ROBO1: variants seen among roughly 807,000 people sequenced by gnomAD.
ROBO1 encodes roundabout guidance receptor 1, also known as roundabout homolog 1.
In ROBO1, 149 loss-of-function variants were observed where a neutral mutation model predicts 195.9. That is an observed-to-expected ratio of 0.76 (90% CI 0.67 to 0.87). The LOEUF (loss-of-function observed/expected upper bound fraction) is 0.87, where lower values mean the gene tolerates loss of function less well. Ranked by LOEUF, ROBO1 falls within the 40% of genes least tolerant of loss-of-function variation. The pLI, the probability that ROBO1 is intolerant of heterozygous loss-of-function variation, is 0.00. For missense variants in ROBO1, 1,933 were observed against 2,068.3 expected, an observed-to-expected ratio of 0.93 and a Z score of 1.27; for synonymous variants, 816 against 733.2, an observed-to-expected ratio of 1.11 and a Z score of -1.82.
chr3:78,948,739 T>TG (rs932640714), intron 3 of ROBO1, among the ~76,000 whole-genome samples: 42 of 152,194 alleles, frequency 2.8e-4, no homozygotes, highest in African/African-American at 9.9e-4. Context: ...TCTTTGCAGA[T>TG]GACATGATTG....
At chr3:78,940,363 T>C (rs1334277644) in intron 3 of ROBO1, among the ~76,000 whole-genome samples, 1 of 152,210 alleles carries the variant, frequency 6.6e-6, no homozygotes, top group Non-Finnish European at 1.5e-5. Flanking sequence ...AATGCAAATA[T>C]AATGTGGGTT....
intron 3 of ROBO1, among the ~76,000 whole-genome samples, chr3:78,981,690 T>C (rs2076993729): frequency 6.6e-6 from 1 of 151,848 alleles, no homozygotes; most frequent in African/African-American, 2.4e-5. Flanking sequence ...CTGAGCACTT[T>C]TGGATTAAAA....
chr3:78,826,646 A>G (rs1455970175), intron 4 of ROBO1, among the ~76,000 whole-genome samples: 4 of 152,224 alleles, frequency 2.6e-5, no homozygotes, highest in Non-Finnish European at 4.4e-5. Context: ...AAAATGTTCC[A>G]TTGAATTGTT....
chr3:79,172,613 A>T (rs565320943), intron 2 of ROBO1, among the ~76,000 whole-genome samples: 1 of 152,226 alleles, frequency 6.6e-6, no homozygotes, highest in South Asian at 2.1e-4. Context: ...AGTACAAACT[A>T]CATTTTTTTT....
chr3:79,248,405 A>C (rs1222338107), intron 2 of ROBO1, among the ~76,000 whole-genome samples: 2 of 146,854 alleles, frequency 1.4e-5, no homozygotes, highest in Non-Finnish European at 3.0e-5. Context: ...AAAGAGAGAG[A>C]GAGAATAAAA....
chr3:79,579,275 G>A (rs1222660576), intron 2 of ROBO1, among the ~76,000 whole-genome samples: 1 of 152,086 alleles, frequency 6.6e-6, no homozygotes, highest in Non-Finnish European at 1.5e-5. Flanking sequence ...AAATGTTATT[G>A]TTATTTGAAG....
chr3:79,627,118 T>C (rs1945203674), intron 1 of ROBO1, among the ~76,000 whole-genome samples: 1 of 152,200 alleles, frequency 6.6e-6, no homozygotes, highest in African/African-American at 2.4e-5. Context: ...GAAACTACCA[T>C]TGAAATTCTA....
intron 2 of ROBO1, among the ~76,000 whole-genome samples, chr3:79,271,151 AC>A (rs1223713849): frequency 6.6e-6 from 1 of 152,008 alleles, no homozygotes; most frequent in Non-Finnish European, 1.5e-5. Context: ...AAATTACTCA[AC>A]TATTGTGTGT....
chr3:79,474,606 C>T (rs1938452114), intron 2 of ROBO1, among the ~76,000 whole-genome samples: 1 of 152,010 alleles, frequency 6.6e-6, no homozygotes, highest in African/African-American at 2.4e-5. Context: ...GAGGGCCACA[C>T]ATAAATTTTA....
intron 4 of ROBO1, among the ~76,000 whole-genome samples, chr3:78,753,688 T>C (rs1278706226): frequency 6.6e-6 from 1 of 152,160 alleles, no homozygotes; most frequent in Non-Finnish European, 1.5e-5. Context: ...CCCCTTGCCC[T>C]TCTCTGCCCC....
At chr3:79,544,745 T>C (rs1348431678) in intron 2 of ROBO1, among the ~76,000 whole-genome samples, 6 of 152,068 alleles carry the variant, frequency 3.9e-5, no homozygotes, top group Non-Finnish European at 7.4e-5. Context: ...ATATTGCAAA[T>C]TGCATTTTCT....
intron 5 of ROBO1, among the ~76,000 whole-genome samples, chr3:78,742,099 C>T (rs1051857493): frequency 5.3e-5 from 8 of 152,060 alleles, no homozygotes; most frequent in Non-Finnish European, 1.2e-4. Flanking sequence ...TAGGGTGTGT[C>T]TTTGTTCTCA....
intron 4 of ROBO1, among the ~76,000 whole-genome samples, chr3:78,805,880 T>A (rs752945608): frequency 6.6e-6 from 1 of 152,170 alleles, no homozygotes; most frequent in African/African-American, 2.4e-5. Context: ...GCTAAAATTA[T>A]AAAATTATTA....
chr3:79,613,651 G>A (rs77302063), intron 1 of ROBO1, among the ~76,000 whole-genome samples: 2,265 of 152,050 alleles, frequency 0.015, 57 homozygotes, highest in African/African-American at 0.05. Context: ...ATCTCTAAAA[G>A]AAACACACAA....
chr3:79,678,705 G>C (rs979450354), intron 1 of ROBO1, among the ~76,000 whole-genome samples: 1 of 151,960 alleles, frequency 6.6e-6, no homozygotes, highest in Admixed American at 6.6e-5. Context: ...TTACAAAAAG[G>C]CATTTAATTT....
chr3:79,326,625 T>C (rs920350639), intron 2 of ROBO1, among the ~76,000 whole-genome samples: 1 of 152,120 alleles, frequency 6.6e-6, no homozygotes, highest in Non-Finnish European at 1.5e-5. Context: ...CAATATGAAT[T>C]GTGAGCTGTT....
At chr3:79,212,482 T>C (rs1223986889) in intron 2 of ROBO1, among the ~76,000 whole-genome samples, 1 of 152,168 alleles carries the variant, frequency 6.6e-6, no homozygotes, top group Non-Finnish European at 1.5e-5. Context: ...AAACCGACTG[T>C]CTTTTTTAGT....
chr3:78,949,768 A>T (rs1356973303), intron 3 of ROBO1, among the ~76,000 whole-genome samples: 2 of 152,188 alleles, frequency 1.3e-5, no homozygotes, highest in Admixed American at 1.3e-4. Flanking sequence ...CTCATCTGAC[A>T]AAGGGCTAAT....
At chr3:79,083,831 A>G (rs6804846) in intron 3 of ROBO1, among the ~76,000 whole-genome samples, 146,130 of 152,232 alleles carry the variant, frequency 0.96, 70,440 homozygotes, top group East Asian at 1. Flanking sequence ...ATATCTTCGG[A>G]GAAAATCTAC....
Sources: allele counts gnomAD v4.1 joint callset (sites outside exome capture counted in the v4.1 genomes callset), GRCh38; gene constraint gnomAD v4.1.1; transcripts MANE v1.5; gene names NCBI Gene and HGNC (gene_info 2026-07-23, HGNC 2026-07-21).